The following FYB2 variants were observed in gnomAD, a reference collection of about 807,000 sequenced individuals.
FYB2 encodes FYN-binding protein 2.
A neutral mutation model predicts 94.1 loss-of-function variants in FYB2; 103 were observed. The observed-to-expected ratio is 1.09, with a 90% CI of 0.93 to 1.29. The LOEUF is 1.29. Ranked by LOEUF, FYB2 falls within the 50% of genes most tolerant of loss-of-function variation. FYB2 has a pLI of 0.00. For synonymous variants in FYB2, 293 were observed against 287.9 expected (o/e 1.02, Z -0.18); for missense variants, 896 against 841.5 (o/e 1.06, Z -0.80).
In FYB2 at chr1:56,783,096, G is replaced by T. The variant is rs1338792124; in HGVS notation, c.953+4079C>A. Among the ~76,000 whole-genome samples the T allele has an allele frequency of 2.0e-5, 3 of 152,190 alleles. No homozygotes were observed. In the East Asian group the frequency reaches 5.8e-4, roughly 29 times the overall value. On this transcript the variant is annotated intron_variant, in intron 4 of 19. Transcript: ENST00000343433. The stretch of plus-strand genomic sequence containing the variant: ...CCATCTCACTGTTGGAAACTAATGA[G>T]ACATTAATATTTCAGAGGTAACAAG...
At chr1:56,737,762 C>A in intron 14 of FYB2, 1 of 152,034 alleles carries the variant, frequency 6.6e-6, no homozygotes, top group East Asian at 1.9e-4. Context: ...TTGAGACCTT[C>A]TAGTATAATT....
intron 1 of FYB2, among the ~76,000 whole-genome samples, chr1:56,804,178 C>T (rs1646584536): frequency 6.6e-6 from 1 of 152,142 alleles, no homozygotes; most frequent in Admixed American, 6.5e-5. Context: ...TACAATTATT[C>T]AAGTAGATGC....
the FYB2 span, among the ~76,000 whole-genome samples, chr1:56,825,395 C>A: frequency 2.0e-5 from 3 of 152,124 alleles, no homozygotes; most frequent in Non-Finnish European, 2.9e-5. Context: ...GGTCACCCTG[C>A]TCACCTGCTC....
Position 56,719,522 on chromosome 1 carries a change from A to T in FYB2, c.*149T>A. ...ATCTAAATGTTGAGGATTTGTTTTTATTTTTCTCTTTTAAGTTCAGAACGA... is the reference window on the plus strand; with the variant it reads ...ATCTAAATGTTGAGGATTTGTTTTTTTTTTTCTCTTTTAAGTTCAGAACGA... On this transcript the variant is annotated 3_prime_UTR_variant, in exon 20 of 20. Coordinates refer to ENST00000343433, the MANE Select transcript of FYB2 (RefSeq NM_001004303.5). The T allele has an allele frequency of 1.5e-6, 1 of 650,272 alleles. No individual in the cohort carries two copies. Among genetic ancestry groups the T allele is most frequent in the Non-Finnish European group, 2.5e-6 (1 of 395,988 alleles). 40.3% of individuals were successfully genotyped at this position (650,272 alleles called of 1,614,324 possible). A position where few individuals can be genotyped will look rare whatever the true frequency, so the allele number is the denominator to read the frequency against.
intron 9 of FYB2, among the ~76,000 whole-genome samples, chr1:56,747,010 G>A (rs1645082447): frequency 6.6e-6 from 1 of 151,796 alleles, no homozygotes; most frequent in Non-Finnish European, 1.5e-5. Flanking sequence ...AATTTTCATA[G>A]TGTATTTGCC....
Position 56,756,699 on chromosome 1 carries a change from C to A in FYB2, c.1099-772G>T, listed in dbSNP as rs76952697. Among the ~76,000 whole-genome samples, 826 of 152,200 alleles carry A rather than the reference C, an allele frequency of 5.4e-3. 24 individuals carry two copies. The East Asian group carries it at 0.1, about 19-fold the overall frequency. On this transcript the variant is annotated intron_variant, in intron 6 of 19. Coordinates refer to ENST00000343433, the MANE Select transcript of FYB2 (RefSeq NM_001004303.5). ...TTTTATATCTTTGTTACATGATTTA[C>A]AGGTTACTAAACCTCTCTGAACCTT... is the stretch of plus-strand genomic sequence containing the variant.
chr1:56,745,852 G>C (rs1255489469), intron 9 of FYB2, among the ~76,000 whole-genome samples: 1 of 151,686 alleles, frequency 6.6e-6, no homozygotes, highest in African/African-American at 2.4e-5. Flanking sequence ...CTCTTCCTCG[G>C]TTACTCTGTT....
chr1:56,796,751 A>T (rs1646409262), intron 1 of FYB2, among the ~76,000 whole-genome samples: 1 of 152,104 alleles, frequency 6.6e-6, no homozygotes, highest in Admixed American at 6.6e-5. Flanking sequence ...AATTGCTGAC[A>T]TTCTCCCAAA....
At position 56,769,738 on chromosome 1, in the gene FYB2, T is replaced by C. The variant is rs527332432; in HGVS notation, c.954-1800A>G. Among the ~76,000 whole-genome samples, 6 of 152,120 alleles carry C rather than the reference T, an allele frequency of 3.9e-5. No homozygotes were observed. The South Asian group carries it at 1.2e-3, about 32-fold the overall frequency. On this transcript the variant is annotated intron_variant, in intron 4 of 19. Transcript: ENST00000343433. ...AAACTGGCAGAAGGGAAAAATGCAA[T>C]GAGAAAGCTTAAATATTTTTTAAAA...
rs777077510 is a variant in FYB2 at position 56,788,975 on chromosome 1, TC to T, written c.916del (p.Glu306LysfsTer2). The T allele has an allele frequency of 1.8e-5, 29 of 1,613,748 alleles. No individual in the cohort carries two copies. The East Asian group carries it at 6.5e-4, about 36-fold the overall frequency. On this transcript the variant is annotated frameshift_variant, in exon 3 of 20. Coordinates refer to ENST00000343433, the MANE Select transcript of FYB2 (RefSeq NM_001004303.5). LOFTEE classifies it high-confidence loss of function. ...QPAAVPKTQGEVTVEEGSLSP... is the reference protein window; with the variant it reads ...QPAAVPKTQGXVTVEEGSLSP... ...TAGGGCCCTGTGCATTTCCTTACCT[TC>T]CCCCTGAGTCTTGGGAACAGCAGCT...
intron 1 of FYB2, among the ~76,000 whole-genome samples, chr1:56,815,601 A>T (rs938400307): frequency 2.6e-5 from 4 of 152,158 alleles, no homozygotes; most frequent in Non-Finnish European, 5.9e-5. Flanking sequence ...GGCACACTGG[A>T]TAAGTCGTTA....
chr1:56,739,052 C>T (rs1180557463), intron 13 of FYB2, among the ~76,000 whole-genome samples: 2 of 151,968 alleles, frequency 1.3e-5, no homozygotes, highest in Admixed American at 6.6e-5. Context: ...AGATCTATAG[C>T]TATGTGGATG....
At chr1:56,764,407 T>C (rs1645573170) in intron 5 of FYB2, among the ~76,000 whole-genome samples, 1 of 144,130 alleles carries the variant, frequency 6.9e-6, no homozygotes. Flanking sequence ...GAAGCTCTTT[T>C]CATTTTTTTT....
chr1:56,815,800 C>T (rs977093405), intron 1 of FYB2, among the ~76,000 whole-genome samples: 1 of 152,170 alleles, frequency 6.6e-6, no homozygotes, highest in Non-Finnish European at 1.5e-5. Flanking sequence ...GCTCATTCAT[C>T]AAAAATTCAA....
intron 6 of FYB2, among the ~76,000 whole-genome samples, chr1:56,757,452 T>G (rs1645360152): frequency 7.0e-6 from 1 of 142,218 alleles, no homozygotes; most frequent in Non-Finnish European, 1.5e-5. Flanking sequence ...GGTAAGGGCC[T>G]TCTATGAGCT....
intron 4 of FYB2, among the ~76,000 whole-genome samples, chr1:56,783,787 A>G (rs957191685): frequency 6.6e-6 from 1 of 152,184 alleles, no homozygotes; most frequent in Non-Finnish European, 1.5e-5. Flanking sequence ...TGGATGCTCA[A>G]TAAATACATG....
Position 56,726,603 on chromosome 1 carries a change from G to C in FYB2, c.1794-20C>G, listed in dbSNP as rs1644588452. On this transcript the variant is annotated intron_variant, in intron 15 of 19. Coordinates refer to ENST00000343433, the MANE Select transcript of FYB2 (RefSeq NM_001004303.5). ...TCATCTCTGAGGAGAAATATATTTT[G>C]AGCAAGTAAATTAAGACTGAATTAT... 1 of 1,585,348 alleles carries C rather than the reference G, an allele frequency of 6.3e-7. No homozygotes were observed. Among genetic ancestry groups the C allele is most frequent in the Non-Finnish European group, 8.6e-7 (1 of 1,158,422 alleles).
At position 56,744,168 on chromosome 1, in the gene FYB2, A is replaced by G. The variant is rs746132055; in HGVS notation, c.1486T>C (p.Tyr496His). Residue 496 changes from tyrosine to histidine, a missense_variant, in exon 10 of 20, where the codon TAC (tyrosine) becomes CAC (histidine). By Grantham distance (83) the Tyr-to-His change is moderately conservative. Transcript: ENST00000343433. Reference protein sequence around the residue: ...ISEEIYDDVEYSRKEVPKLNY... With the variant: ...ISEEIYDDVEHSRKEVPKLNY... The stretch of plus-strand genomic sequence containing the variant: ...GTTACTTACACCTCTTTCCTGGAGT[A>G]CTCGACATCATCATATATCTCCTCC... 1.2e-6 allele frequency: 2 copies of G among 1,612,608 alleles called. No individual in the cohort carries two copies. Among genetic ancestry groups the G allele is most frequent in the South Asian group, 1.1e-5 (1 of 91,028 alleles).
chr1:56,794,900 G>C (rs941280546), intron 1 of FYB2, among the ~76,000 whole-genome samples: 2 of 151,980 alleles, frequency 1.3e-5, no homozygotes, highest in African/African-American at 4.8e-5. Context: ...ATTTCTGACA[G>C]CAGTTCAGGG....
Sources: gnomAD v4.1 joint callset for allele counts (sites outside exome capture counted in the v4.1 genomes callset) on GRCh38, gnomAD v4.1.1 for gene constraint, MANE v1.5 for transcripts, NCBI Gene and HGNC (gene_info 2026-07-23, HGNC 2026-07-21) for gene names.